Variants in KCNAB1 observed in about 807,000 individuals in gnomAD.
KCNAB1 encodes the protein potassium voltage-gated channel subfamily A regulatory beta subunit 1.
KCNAB1 carries 35 observed loss-of-function variants against 64.6 expected under a neutral mutation model. That is an observed-to-expected ratio of 0.54 (90% CI 0.41 to 0.72). The LOEUF (loss-of-function observed/expected upper bound fraction) is 0.72, where lower values mean the gene tolerates loss of function less well. KCNAB1 is among the 30% of genes least tolerant of loss of function. The pLI is 0.00. For missense variants in KCNAB1, 401 were observed against 512.9 expected, an observed-to-expected ratio of 0.78 and a Z score of 2.11; for synonymous variants, 177 against 183.8, an observed-to-expected ratio of 0.96 and a Z score of 0.30.
At chr3:156,431,772 C>T (rs1716227329) in intron 2 of KCNAB1, among the ~76,000 whole-genome samples, 2 of 152,194 alleles carry the variant, frequency 1.3e-5, no homozygotes, top group East Asian at 1.9e-4. Flanking sequence ...TCTAGGCTCA[C>T]CTGGACAGTG....
chr3:156,203,309 G>C (rs1360172495), intron 1 of KCNAB1, among the ~76,000 whole-genome samples: 1 of 152,200 alleles, frequency 6.6e-6, no homozygotes, highest in Non-Finnish European at 1.5e-5. Flanking sequence ...GCTGATCTCT[G>C]ATTTAGCATA....
At chr3:156,167,676 A>G (rs1711672874) in intron 1 of KCNAB1, among the ~76,000 whole-genome samples, 1 of 152,178 alleles carries the variant, frequency 6.6e-6, no homozygotes. Flanking sequence ...CTTTTTAACA[A>G]CAACAACAAC....
At chr3:156,241,940 A>G (rs1185097865) in intron 1 of KCNAB1, among the ~76,000 whole-genome samples, 2 of 152,224 alleles carry the variant, frequency 1.3e-5, no homozygotes. Flanking sequence ...TTACCACTTC[A>G]GAATTTTGAA....
intron 13 of KCNAB1, 129 bp from the exon 14 acceptor site, chr3:156,536,529 G>A (rs573420653): frequency 2.1e-5 from 15 of 699,558 alleles, no homozygotes; most frequent in Non-Finnish European, 3.6e-5. Flanking sequence ...TTGGGGGCGG[G>A]GGGCTTAGAT....
chr3:156,421,668 T>A lies in KCNAB1; in HGVS notation c.319+9T>A. The A allele has an allele frequency of 6.2e-7, 1 of 1,613,452 alleles. No homozygotes were observed. The highest frequency in any genetic ancestry group is 8.5e-7 in the Non-Finnish European group (1 of 1,179,494). Reference sequence around the variant, plus strand: ...TTCTTGCTTGGGTCTTGGTAAGTACTGAGGGTGTGACCTGGGGGTGGGCTG... The same window carrying A: ...TTCTTGCTTGGGTCTTGGTAAGTACAGAGGGTGTGACCTGGGGGTGGGCTG... On this transcript the variant is annotated intron_variant, in intron 2 of 13. Coordinates refer to ENST00000490337, the MANE Select transcript of KCNAB1 (RefSeq NM_172160.3).
rs1717645078 is a variant in KCNAB1, at chr3:156,249,032, T to C, written c.275+128146T>C. Among the ~76,000 whole-genome samples, 3 of 152,026 alleles carry C rather than the reference T, an allele frequency of 2.0e-5. No homozygotes were observed. In the South Asian group the frequency reaches 6.2e-4, roughly 32 times the overall value. On this transcript the variant is annotated intron_variant, in intron 1 of 13. Coordinates refer to ENST00000490337, the MANE Select transcript of KCNAB1 (RefSeq NM_172160.3). ...TTTCGATAGAAATCTGGTTGTGTTTTTTTTTTTAATTTTTTAATTTTTTTA... is the reference window on the plus strand; with the variant it reads ...TTTCGATAGAAATCTGGTTGTGTTTCTTTTTTTAATTTTTTAATTTTTTTA...
At chr3:156,246,635 A>C (rs1279167653) in intron 1 of KCNAB1, among the ~76,000 whole-genome samples, 1 of 20,026 alleles carries the variant, frequency 5.0e-5, no homozygotes, top group South Asian at 1.1e-3. Context: ...AAAAAGCAGC[A>C]AAAAAAAAAA....
At chr3:156,277,699 C>A (rs1438069719) in intron 1 of KCNAB1, among the ~76,000 whole-genome samples, 1 of 152,164 alleles carries the variant, frequency 6.6e-6, no homozygotes, top group East Asian at 1.9e-4. Flanking sequence ...AGTGCTGCAA[C>A]AAACACAGGA....
At chr3:156,235,335 C>T (rs555436265) in intron 1 of KCNAB1, among the ~76,000 whole-genome samples, 1 of 152,344 alleles carries the variant, frequency 6.6e-6, no homozygotes, top group East Asian at 1.9e-4. Context: ...TATTTTGTGT[C>T]CTACGTCTTT....
intron 1 of KCNAB1, among the ~76,000 whole-genome samples, chr3:156,420,232 TATGCA>T (rs1489346905): frequency 1.3e-5 from 2 of 152,242 alleles, no homozygotes; most frequent in Admixed American, 1.3e-4. Context: ...ACAGTGATGC[TATGCA>T]AATGGCATAG....
chr3:156,392,588 C>T (rs967792103), intron 1 of KCNAB1, among the ~76,000 whole-genome samples: 1 of 152,174 alleles, frequency 6.6e-6, no homozygotes, highest in African/African-American at 2.4e-5. Context: ...AAGCTTTTAA[C>T]ACTTCACCAT....
At chr3:156,419,423 C>G (rs1715317789) in intron 1 of KCNAB1, among the ~76,000 whole-genome samples, 1 of 151,538 alleles carries the variant, frequency 6.6e-6, no homozygotes, top group African/African-American at 2.4e-5. Flanking sequence ...GTGGCATGAA[C>G]CCGGGAGGCG....
chr3:156,349,799 C>T (rs937735506), intron 1 of KCNAB1, among the ~76,000 whole-genome samples: 1 of 152,232 alleles, frequency 6.6e-6, no homozygotes, highest in South Asian at 2.1e-4. Context: ...TCCTGGGCTC[C>T]AGCAATCCAC....
chr3:156,512,851 T>C (rs1331416533), intron 8 of KCNAB1, among the ~76,000 whole-genome samples: 5 of 152,332 alleles, frequency 3.3e-5, no homozygotes, highest in Middle Eastern at 3.4e-3. Context: ...CTTTTACCTC[T>C]GTTGGACACA....
intron 1 of KCNAB1, chr3:156,291,591 T>A (rs887136659): frequency 8.0e-7 from 1 of 1,247,294 alleles, no homozygotes; most frequent in Non-Finnish European, 1.0e-6. Flanking sequence ...ACTGCATGGA[T>A]TTGGCTGTTT....
chr3:156,166,713 A>G (rs1359279163), intron 1 of KCNAB1, among the ~76,000 whole-genome samples: 2 of 152,284 alleles, frequency 1.3e-5, no homozygotes, highest in African/African-American at 4.8e-5. Flanking sequence ...TAATTGCACT[A>G]TTGTACAGAC....
At chr3:156,427,760 G>A (rs1715915421) in intron 2 of KCNAB1, among the ~76,000 whole-genome samples, 1 of 152,060 alleles carries the variant, frequency 6.6e-6, no homozygotes, top group African/African-American at 2.4e-5. Flanking sequence ...TTGGAGACCG[G>A]GGAACCTACC....
At chr3:156,137,835 C>A (rs1206009966) in intron 1 of KCNAB1, among the ~76,000 whole-genome samples, 1 of 151,772 alleles carries the variant, frequency 6.6e-6, no homozygotes, top group African/African-American at 2.4e-5. Context: ...GGATTACAGG[C>A]GTGAGCCACT....
Position 156,536,853 on chromosome 3 carries a change from C to A in KCNAB1, c.*106C>A. The A allele has an allele frequency of 3.9e-6, 3 of 774,914 alleles. No individual in the cohort carries two copies. Among genetic ancestry groups the A allele is most frequent in the Non-Finnish European group, 6.7e-6 (3 of 447,016 alleles). 48.0% of individuals were successfully genotyped at this position (774,914 alleles called of 1,614,324 possible). On this transcript the variant is annotated 3_prime_UTR_variant, in exon 14 of 14. Transcript: ENST00000490337. Reference sequence around the variant, plus strand: ...TTGAATCACTTAGCAGCTTGCTGCTCAACCTCTAGTGTCCCTCCCTGGATT... The same window carrying A: ...TTGAATCACTTAGCAGCTTGCTGCTAAACCTCTAGTGTCCCTCCCTGGATT...
Sources: gnomAD v4.1 joint callset for allele counts (sites outside exome capture counted in the v4.1 genomes callset) on GRCh38, gnomAD v4.1.1 for gene constraint, MANE v1.5 for transcripts, NCBI Gene and HGNC (gene_info 2026-07-23, HGNC 2026-07-21) for gene names.